The following PPP1R42 variants were observed in gnomAD, a reference collection of about 807,000 sequenced individuals.
PPP1R42 encodes the protein leucine rich repeat containing 67.
In PPP1R42, 34 loss-of-function variants were observed where a neutral mutation model predicts 31.0. The observed-to-expected ratio is 1.10, with a 90% CI of 0.83 to 1.46. The LOEUF (loss-of-function observed/expected upper bound fraction) is 1.46, where lower values mean the gene tolerates loss of function less well. Ranked by LOEUF, PPP1R42 falls within the 40% of genes most tolerant of loss-of-function variation. The pLI is 0.00. For missense variants in PPP1R42, 268 were observed against 303.0 expected, an observed-to-expected ratio of 0.88 and a Z score of 0.86; for synonymous variants, 103 against 109.8, an observed-to-expected ratio of 0.94 and a Z score of 0.39.
At chr8:66,986,013 T>TC in intron 6 of PPP1R42, 1 of 749,100 alleles carries the variant, frequency 1.3e-6, no homozygotes, top group South Asian at 1.4e-5. Context: ...GCTTCCGCCT[T>TC]CCTCCTACAG....
intron 5 of PPP1R42, among the ~76,000 whole-genome samples, chr8:66,989,754 G>T (rs1336297139): frequency 6.6e-6 from 1 of 152,118 alleles, no homozygotes; most frequent in East Asian, 1.9e-4. Context: ...ATAAGACATT[G>T]TTTTTTTAAA....
chr8:67,004,912 A>T (rs1195786187), intron 5 of PPP1R42, among the ~76,000 whole-genome samples: 1 of 152,118 alleles, frequency 6.6e-6, no homozygotes, highest in East Asian at 1.9e-4. Context: ...GAAACTCTTA[A>T]ATATCAGGAT....
At chr8:67,017,925 A>C (rs1816065939) in intron 1 of PPP1R42, 94 bp from the exon 2 acceptor site, 1 of 540,784 alleles carries the variant, frequency 1.8e-6, no homozygotes, top group Non-Finnish European at 2.8e-6. Flanking sequence ...CTTATATGAA[A>C]CTATTTGATA....
rs1027671800 is a variant in PPP1R42 at position 67,017,475 on chromosome 8, C to T, written c.129+144G>A. 14 of 395,478 alleles carry T rather than the reference C, an allele frequency of 3.5e-5. No homozygotes were observed. In the Admixed American group the frequency reaches 5.9e-4, roughly 17 times the overall value. The allele number at this position is 395,478 out of a possible 1,614,324, so 24.5% of individuals were successfully genotyped here. ...TGTCACTATACTCCAGCCTGGGCAA[C>T]AGACGGAGAGAGACTCTATCTCAAA... On this transcript the variant is annotated intron_variant, in intron 2 of 7. Transcript: ENST00000685739.
At chr8:67,018,906 C>T (rs1311672321) in intron 1 of PPP1R42, among the ~76,000 whole-genome samples, 13 of 141,246 alleles carry the variant, frequency 9.2e-5, no homozygotes, top group Non-Finnish European at 1.5e-4. Context: ...CTCGGCTCAC[C>T]GCAACCTCCG....
chr8:67,002,759 T>G (rs1391120662), intron 5 of PPP1R42, among the ~76,000 whole-genome samples: 1 of 150,370 alleles, frequency 6.7e-6, no homozygotes, highest in Non-Finnish European at 1.5e-5. Context: ...TTTTCCGTGC[T>G]TTACTTTGGA....
intron 7 of PPP1R42, 95 bp downstream of exon 7, chr8:66,981,954 A>G: frequency 8.2e-7 from 1 of 1,214,616 alleles, no homozygotes. Flanking sequence ...ACAAAAAACT[A>G]AACAAAAACT....
chr8:67,007,548 C>T (rs1012444770), intron 5 of PPP1R42, among the ~76,000 whole-genome samples: 2 of 152,180 alleles, frequency 1.3e-5, no homozygotes, highest in African/African-American at 2.4e-5. Flanking sequence ...GGTTTCGCCA[C>T]GTCAGCCAGG....
intron 6 of PPP1R42, among the ~76,000 whole-genome samples, chr8:66,982,748 G>A (rs1035361748): frequency 6.6e-6 from 1 of 151,866 alleles, no homozygotes; most frequent in African/African-American, 2.4e-5. Flanking sequence ...ATGAGCCACC[G>A]TTCCTGACCA....
chr8:66,983,297 T>G (rs1199901798), intron 6 of PPP1R42, among the ~76,000 whole-genome samples: 3 of 152,152 alleles, frequency 2.0e-5, no homozygotes, highest in Admixed American at 2.0e-4. Flanking sequence ...ATTTTTTCCT[T>G]AAATATGGCT....
intron 7 of PPP1R42, chr8:66,968,527 G>T (rs1814448611): frequency 1.0e-6 from 1 of 968,712 alleles, no homozygotes; most frequent in Admixed American, 6.2e-5. Context: ...TTCCCTTAAA[G>T]TAATTAAGGC....
intron 5 of PPP1R42, among the ~76,000 whole-genome samples, chr8:66,995,877 T>G (rs1257128600): frequency 6.6e-6 from 1 of 152,232 alleles, no homozygotes; most frequent in East Asian, 1.9e-4. Context: ...CATTTCTAAA[T>G]AACAATGGCT....
At chr8:66,988,377 A>G in intron 6 of PPP1R42, 23 bp downstream of exon 6, 1 of 1,368,718 alleles carries the variant, frequency 7.3e-7, no homozygotes, top group Non-Finnish European at 9.5e-7. Flanking sequence ...TCTCTTAAAA[A>G]TTATATTAAT....
intron 5 of PPP1R42, among the ~76,000 whole-genome samples, chr8:67,001,209 G>C (rs1815473394): frequency 1.4e-5 from 2 of 147,348 alleles, no homozygotes; most frequent in African/African-American, 2.5e-5. Context: ...TGTTTCTCTA[G>C]AGAGTACCAT....
At chr8:66,976,380 C>T (rs1220560136) in intron 7 of PPP1R42, among the ~76,000 whole-genome samples, 1 of 152,176 alleles carries the variant, frequency 6.6e-6, no homozygotes, top group Non-Finnish European at 1.5e-5. Flanking sequence ...AAAACAATAT[C>T]CCCCTCCACC....
chr8:67,010,089 A>G (rs544845162), intron 5 of PPP1R42, among the ~76,000 whole-genome samples: 1 of 152,354 alleles, frequency 6.6e-6, no homozygotes, highest in Non-Finnish European at 1.5e-5. Flanking sequence ...TTATAAAAAC[A>G]GTATCATATT....
intron 5 of PPP1R42, among the ~76,000 whole-genome samples, chr8:67,008,282 G>A (rs1815744665): frequency 6.6e-6 from 1 of 152,132 alleles, no homozygotes; most frequent in Non-Finnish European, 1.5e-5. Context: ...ATGGTTTCAG[G>A]CATCCACTGA....
chr8:66,984,327 A>T, intron 6 of PPP1R42: 1 of 1,276,580 alleles, frequency 7.8e-7, no homozygotes, highest in Admixed American at 1.7e-5. Flanking sequence ...CTTCCTCATC[A>T]GGTTCCTCAT....
At chr8:67,027,383 C>T (rs1163227768) in intron 1 of PPP1R42, among the ~76,000 whole-genome samples, 1 of 152,116 alleles carries the variant, frequency 6.6e-6, no homozygotes, top group Non-Finnish European at 1.5e-5. Context: ...CAGAGGCAAA[C>T]TTTGTATGTA....
Sources: gnomAD v4.1 joint callset for allele counts (sites outside exome capture counted in the v4.1 genomes callset) on GRCh38, gnomAD v4.1.1 for gene constraint, MANE v1.5 for transcripts, NCBI Gene and HGNC (gene_info 2026-07-23, HGNC 2026-07-21) for gene names.